Variants in NAA40 observed in about 807,000 individuals in gnomAD.
The protein encoded by NAA40 is N-alpha-acetyltransferase 40.
A neutral mutation model predicts 36.6 loss-of-function variants in NAA40; 26 were observed. The observed-to-expected ratio is 0.71, with a 90% CI of 0.52 to 0.98. The LOEUF is 0.98. Among genes scored for constraint, NAA40 ranks in the 50% least tolerant of loss-of-function variants. The pLI is 0.00. For synonymous variants in NAA40, 129 were observed against 108.4 expected, an observed-to-expected ratio of 1.19 and a Z score of -1.18; for missense variants, 237 against 306.5, an observed-to-expected ratio of 0.77 and a Z score of 1.69.
rs1177811294 is a variant in NAA40 at position 63,956,321 on chromosome 11, C to T, written c.*1842C>T. On this transcript the variant is annotated 3_prime_UTR_variant, in exon 8 of 8. Coordinates refer to ENST00000377793, the MANE Select transcript of NAA40 (RefSeq NM_024771.4). The stretch of plus-strand genomic sequence containing the variant: ...TTTAGGAAGAGATTTGTCTCTGGTC[C>T]CTGTCTCTGAAAGGACACAGATGCT... The T allele has an allele frequency of 6.6e-6, 1 of 152,570 alleles. No homozygotes were observed. The highest frequency in any genetic ancestry group is 2.4e-5 in the African/African-American group (1 of 41,438). 9.5% of individuals were successfully genotyped at this position (152,570 alleles called of 1,614,324 possible). A position where few individuals can be genotyped will look rare whatever the true frequency, so the allele number is the denominator to read the frequency against.
chr11:63,952,773 A>G lies in NAA40; in HGVS notation c.428A>G (p.Glu143Gly). 6.2e-7 allele frequency: 1 copy of G among 1,614,120 alleles called. No homozygotes were observed. Residue 143 changes from glutamate (E) to glycine (G), a missense_variant, in exon 6 of 8, where the codon GAA becomes GGA. Coordinates refer to ENST00000377793, the MANE Select transcript of NAA40 (RefSeq NM_024771.4). ...EVLYCYEVQL[E>G]SKVRRKGLGK... ...TCACCTAGCTATGAAGTGCAGTTGG[A>G]AAGCAAGGTGCGGCGGAAAGGCCTG...
chr11:63,946,594 G>A (rs1942190820), intron 2 of NAA40: 1 of 1,256,030 alleles, frequency 8.0e-7, no homozygotes, highest in African/African-American at 1.5e-5. Flanking sequence ...TCAGGGGCTT[G>A]ATTTTCCATT....
At chr11:63,953,344 C>A (rs1942312550) in intron 6 of NAA40, among the ~76,000 whole-genome samples, 1 of 152,180 alleles carries the variant, frequency 6.6e-6, no homozygotes, top group South Asian at 2.1e-4. Flanking sequence ...CACACCTGGC[C>A]AGTGAGCATC....
At chr11:63,939,473 T>G in intron 1 of NAA40, 1 of 1,035,766 alleles carries the variant, frequency 9.7e-7, no homozygotes, top group Non-Finnish European at 1.2e-6. Flanking sequence ...GCTTTTCACA[T>G]CCGAGGTCAA....
At chr11:63,950,181 C>T (rs1307735307) in intron 3 of NAA40, among the ~76,000 whole-genome samples, 2 of 149,142 alleles carry the variant, frequency 1.3e-5, no homozygotes, top group Non-Finnish European at 3.0e-5. Context: ...TGCAGTGGCA[C>T]GATCTCGGCT....
intron 7 of NAA40, 106 bp from the exon 8 acceptor site, chr11:63,954,232 C>G (rs1267122432): frequency 1.4e-6 from 2 of 1,473,702 alleles, no homozygotes; most frequent in Non-Finnish European, 1.8e-6. Context: ...CTCCTGCACC[C>G]TCATCCTAAG....
chr11:63,952,407 G>GT lies in NAA40; in HGVS notation c.253dup (p.Tyr85LeufsTer2). ...GTCTGACTGCTCCCAAATTCCCCAG[G>GT]TATGAGCAGAGCGAGTGGGGCTGGA... On this transcript the variant is annotated frameshift_variant and splice_region_variant, in exon 5 of 8. Transcript: ENST00000377793. LOFTEE classifies it high-confidence loss of function. 6.2e-7 allele frequency: 1 copy of GT among 1,614,202 alleles called. No individual in the cohort carries two copies. The highest frequency in any genetic ancestry group is 8.5e-7 in the Non-Finnish European group (1 of 1,180,020).
intron 7 of NAA40, 54 bp downstream of exon 7, chr11:63,954,103 A>C (rs963592042): frequency 5.7e-6 from 9 of 1,571,706 alleles, no homozygotes; most frequent in South Asian, 2.2e-5. Flanking sequence ...GCCCAGGGCC[A>C]TTTTTCTGGT....
At position 63,954,650 on chromosome 11, in the gene NAA40, C is replaced by A; in HGVS notation, c.*171C>A. 1.6e-6 allele frequency: 1 copy of A among 606,864 alleles called. No individual in the cohort carries two copies. The highest frequency in any genetic ancestry group is 2.6e-6 in the Non-Finnish European group (1 of 388,054). 37.6% of individuals were successfully genotyped at this position (606,864 alleles called of 1,614,324 possible). On this transcript the variant is annotated 3_prime_UTR_variant, in exon 8 of 8. Coordinates refer to ENST00000377793, the MANE Select transcript of NAA40 (RefSeq NM_024771.4). ...GGAGAAGTGGTATCAGCTGCTCCTC[C>A]TCTCCTAGGAGACCAGAGTGCTAGA...
At chr11:63,942,973 C>A (rs1220825992) in intron 1 of NAA40, among the ~76,000 whole-genome samples, 1 of 152,182 alleles carries the variant, frequency 6.6e-6, no homozygotes, top group African/African-American at 2.4e-5. Flanking sequence ...GGAGGGAACC[C>A]AGGCTTCAGT....
intron 3 of NAA40, among the ~76,000 whole-genome samples, chr11:63,948,943 G>A (rs1942230884): frequency 6.6e-6 from 1 of 152,162 alleles, no homozygotes; most frequent in Non-Finnish European, 1.5e-5. Flanking sequence ...ACTTTGGGAG[G>A]CTGAGGTTGG....
chr11:63,950,879 T>C (rs1429772189), intron 3 of NAA40, among the ~76,000 whole-genome samples: 2 of 152,342 alleles, frequency 1.3e-5, no homozygotes, highest in East Asian at 3.9e-4. Flanking sequence ...GTGTGGTTCC[T>C]GTGGTTGTGA....
rs1306707423 is a variant in NAA40 at position 63,952,494 on chromosome 11, A to G, written c.339A>G (p.Glu113=). ...GAGCCTGGTACCTCATCGCGTGGGA[A>G]AACAGCTCCGTCCCTGTTGCCTTTT... is the stretch of plus-strand genomic sequence containing the variant. ...DDRAWYLIAW[E]NSSVPVAFSH... The change falls in exon 5 of 8, where the codon GAA becomes GAG. Residue 113 remains glutamate, a synonymous_variant. Coordinates refer to ENST00000377793, the MANE Select transcript of NAA40 (RefSeq NM_024771.4). 6.2e-7 allele frequency: 1 copy of G among 1,614,170 alleles called. No individual in the cohort carries two copies. Among genetic ancestry groups the G allele is most frequent in the East Asian group, 2.2e-5 (1 of 44,876 alleles).
chr11:63,950,501 C>T (rs997338164), intron 3 of NAA40, among the ~76,000 whole-genome samples: 7 of 151,422 alleles, frequency 4.6e-5, no homozygotes, highest in South Asian at 2.1e-4. Flanking sequence ...GACAGAGTCT[C>T]GCCCAGGCTG....
rs1942339590 is a variant in NAA40 at position 63,954,886 on chromosome 11, C to T, written c.*407C>T. 6.4e-6 allele frequency: 1 copy of T among 156,232 alleles called. No homozygotes were observed. The highest frequency in any genetic ancestry group is 2.0e-4 in the South Asian group (1 of 4,900). The allele number at this position is 156,232 out of a possible 1,614,324, so 9.7% of individuals were successfully genotyped here. ...TCCACCTTTATGAAAGTTCTGGAGT[C>T]CTGGGTCTGGGGTTTGCTGGTCCCC... On this transcript the variant is annotated 3_prime_UTR_variant, in exon 8 of 8. Transcript: ENST00000377793.
intron 7 of NAA40, 104 bp downstream of exon 7, chr11:63,954,153 A>G: frequency 7.1e-7 from 1 of 1,407,230 alleles, no homozygotes. Context: ...CTCATGGTCC[A>G]GTGGTCCATG....
intron 3 of NAA40, among the ~76,000 whole-genome samples, chr11:63,951,929 A>G (rs1942284931): frequency 6.6e-6 from 1 of 152,202 alleles, no homozygotes; most frequent in Non-Finnish European, 1.5e-5. Flanking sequence ...AAAAGGTAGA[A>G]AAAGAATAAA....
At chr11:63,952,587 A>T in intron 5 of NAA40, 22 bp downstream of exon 5, 1 of 1,610,730 alleles carries the variant, frequency 6.2e-7, no homozygotes, top group Non-Finnish European at 8.5e-7. Flanking sequence ...GGCTTGGGGG[A>T]GGTAGGGGAG....
Position 63,952,247 on chromosome 11 carries a change from C to T in NAA40, c.165C>T (p.Val55=), listed in dbSNP as rs775299154. 3 of 1,611,562 alleles carry T rather than the reference C, an allele frequency of 1.9e-6. No individual in the cohort carries two copies. The highest frequency in any genetic ancestry group is 3.3e-5 in the Admixed American group (2 of 59,840). The change falls in exon 4 of 8, where the codon GTC becomes GTT. Residue 55 remains valine (V), a synonymous_variant. Transcript: ENST00000377793. ...FKKYDRNGLN[V]SIECKRVSGL... ...CCTGTCCTCTTCTCAGGTTGAATGT[C>T]TCCATTGAATGTAAGCGAGTGTCTG... is the stretch of plus-strand genomic sequence containing the variant.
Sources: allele counts gnomAD v4.1 joint callset (sites outside exome capture counted in the v4.1 genomes callset), GRCh38; gene constraint gnomAD v4.1.1; transcripts MANE v1.5; gene names NCBI Gene and HGNC (gene_info 2026-07-23, HGNC 2026-07-21).